LPP: variants seen among roughly 807,000 people sequenced by gnomAD.
LPP encodes the protein LIM domain containing preferred translocation partner in lipoma, also known as lipoma-preferred partner.
Under a neutral mutation model 60.4 loss-of-function variants are expected in LPP, and 38 were observed. That is an observed-to-expected ratio of 0.63 (90% CI 0.49 to 0.83). The LOEUF (loss-of-function observed/expected upper bound fraction) is 0.83. LPP is among the 40% of genes least tolerant of loss of function. The pLI, the probability that LPP is intolerant of heterozygous loss-of-function variation, is 0.00. For missense variants in LPP, 902 were observed against 783.6 expected (o/e 1.15, Z -1.80); for synonymous variants, 328 against 290.8 (o/e 1.13, Z -1.30).
chr3:188,439,854 TG>T (rs1345566683), intron 4 of LPP, among the ~76,000 whole-genome samples: 1 of 152,164 alleles, frequency 6.6e-6, no homozygotes, highest in African/African-American at 2.4e-5. Context: ...ACATAGGCTG[TG>T]GGCCTGTCCT....
chr3:188,527,638 G>T (rs907399918), intron 6 of LPP, among the ~76,000 whole-genome samples: 15 of 151,972 alleles, frequency 9.9e-5, no homozygotes, highest in Non-Finnish European at 1.9e-4. Context: ...AATTTTTTTT[G>T]ATTCCACCCA....
At chr3:188,518,941 C>T (rs925550707) in intron 5 of LPP, among the ~76,000 whole-genome samples, 1 of 151,936 alleles carries the variant, frequency 6.6e-6, no homozygotes, top group African/African-American at 2.4e-5. Context: ...TGCTCCCCTA[C>T]CTTGAAACCG....
At chr3:188,808,027 G>T (rs895727064) in intron 9 of LPP, among the ~76,000 whole-genome samples, 8 of 152,076 alleles carry the variant, frequency 5.3e-5, no homozygotes, top group Non-Finnish European at 8.8e-5. Flanking sequence ...TTAGTGTGGG[G>T]TGTTTGTGTC....
chr3:188,354,179 A>G (rs1319093238), intron 3 of LPP, among the ~76,000 whole-genome samples: 1 of 152,128 alleles, frequency 6.6e-6, no homozygotes, highest in African/African-American at 2.4e-5. Context: ...ACACACACAA[A>G]TGTCGAGCAG....
intron 4 of LPP, among the ~76,000 whole-genome samples, chr3:188,478,840 C>G (rs1215558879): frequency 2.0e-5 from 3 of 152,114 alleles, no homozygotes; most frequent in Non-Finnish European, 4.4e-5. Flanking sequence ...ACTGCAACCT[C>G]CGCCTCCCGG....
At chr3:188,536,299 G>A (rs886310515) in intron 6 of LPP, among the ~76,000 whole-genome samples, 5 of 147,008 alleles carry the variant, frequency 3.4e-5, no homozygotes, top group Non-Finnish European at 7.5e-5. Context: ...GTGAGCCACT[G>A]CACCCGGCCA....
At chr3:188,388,641 C>T (rs1458776716) in intron 3 of LPP, among the ~76,000 whole-genome samples, 3 of 152,082 alleles carry the variant, frequency 2.0e-5, no homozygotes, top group East Asian at 1.9e-4. Flanking sequence ...AATTGGTCAG[C>T]GTTAATGAAA....
intron 3 of LPP, among the ~76,000 whole-genome samples, chr3:188,392,141 G>A (rs6766023): frequency 0.034 from 5,193 of 152,242 alleles, 295 homozygotes; most frequent in African/African-American, 0.12. Flanking sequence ...GTTGGAACCA[G>A]AGTAACAATT....
rs770848271 is a variant in LPP at position 188,609,208 on chromosome 3, A to G, written c.477A>G (p.Thr159=). ...CTCCTCCAGTTTCGACCCCAGTCAC[A>G]GGACACAAGAGAATGGTCATCCCGA... ...TASPPVSTPV[T]GHKRMVIPNQ... is the part of the protein sequence containing the mutation. The change falls in exon 7 of 12, where the codon ACA becomes ACG. Residue 159 remains threonine, a synonymous_variant. Coordinates refer to ENST00000617246, the MANE Select transcript of LPP (RefSeq NM_001375462.1). This position sits in a 1 kb window ranked among gnomAD's most constrained non-coding sequence, Gnocchi z 6.9. 2 of 1,613,790 alleles carry G rather than the reference A, an allele frequency of 1.2e-6. No individual in the cohort carries two copies. The highest frequency in any genetic ancestry group is 2.2e-5 in the South Asian group (2 of 91,052).
At chr3:188,347,610 A>G (rs1764734650) in intron 3 of LPP, among the ~76,000 whole-genome samples, 1 of 152,064 alleles carries the variant, frequency 6.6e-6, no homozygotes, top group South Asian at 2.1e-4. Flanking sequence ...CCCCCATTAT[A>G]TTGAGCTTGA....
chr3:188,374,326 C>A (rs1216216419), intron 3 of LPP, among the ~76,000 whole-genome samples: 2 of 152,094 alleles, frequency 1.3e-5, no homozygotes, highest in Admixed American at 6.5e-5. Context: ...GATATTGATT[C>A]TTCCTACCCG....
At chr3:188,249,901 ATTT>A (rs372331542) in intron 2 of LPP, among the ~76,000 whole-genome samples, 44 of 87,816 alleles carry the variant, frequency 5.0e-4, no homozygotes, top group African/African-American at 1.0e-3. Flanking sequence ...ATATATATAT[ATTT>A]TTTTTTTTTC....
chr3:188,595,828 G>T (rs749141995), intron 6 of LPP, among the ~76,000 whole-genome samples: 1 of 152,046 alleles, frequency 6.6e-6, no homozygotes, highest in East Asian at 1.9e-4. Context: ...TTATATAAAC[G>T]CAATCCTATT....
chr3:188,835,508 A>G (rs1758228264), intron 9 of LPP, among the ~76,000 whole-genome samples: 1 of 151,876 alleles, frequency 6.6e-6, no homozygotes, highest in South Asian at 2.1e-4. Flanking sequence ...AATCCTAGCT[A>G]CTCGGGAGGC....
intron 6 of LPP, among the ~76,000 whole-genome samples, chr3:188,541,947 G>T (rs1825305770): frequency 6.6e-6 from 1 of 152,096 alleles, no homozygotes; most frequent in South Asian, 2.1e-4. Flanking sequence ...TAGATTTATG[G>T]TGTAGAACAT....
In LPP at chr3:188,352,362, T is replaced by C. The variant is rs1267527569; in HGVS notation, c.-10+10643T>C. Among the ~76,000 whole-genome samples the C allele has an allele frequency of 1.3e-5, 2 of 152,198 alleles. No homozygotes were observed. Among genetic ancestry groups the C allele is most frequent in the African/African-American group, 2.4e-5 (1 of 41,452 alleles). On this transcript the variant is annotated intron_variant, in intron 3 of 11. Coordinates refer to ENST00000617246, the MANE Select transcript of LPP (RefSeq NM_001375462.1). The surrounding 1 kb of genome is among the most constrained non-coding windows in gnomAD (Gnocchi z 4.4). ...TGGCAGCTTGTGAGCGGTGTTGCCA[T>C]GACACTCCTTGGGCTCTGTTTAGAT...
chr3:188,220,297 G>A (rs774313452), intron 1 of LPP, among the ~76,000 whole-genome samples: 8 of 151,960 alleles, frequency 5.3e-5, no homozygotes, highest in African/African-American at 1.5e-4. Context: ...TCATGTCACC[G>A]TGTGGTATGA....
chr3:188,291,790 C>T (rs1283383634), intron 2 of LPP, among the ~76,000 whole-genome samples: 1 of 151,958 alleles, frequency 6.6e-6, no homozygotes, highest in Admixed American at 6.6e-5. Flanking sequence ...CAGGGTTTAT[C>T]ATTATTTCCC....
chr3:188,534,269 AC>A (rs1822974072), intron 6 of LPP, among the ~76,000 whole-genome samples: 1 of 152,138 alleles, frequency 6.6e-6, no homozygotes, highest in Non-Finnish European at 1.5e-5. Flanking sequence ...TGTTTGTTTG[AC>A]CTTGATGAGT....
Sources: allele counts gnomAD v4.1 joint callset (sites outside exome capture counted in the v4.1 genomes callset), GRCh38; gene constraint gnomAD v4.1.1; non-coding constraint Gnocchi (gnomAD v3.1); transcripts MANE v1.5; gene names NCBI Gene and HGNC (gene_info 2026-07-23, HGNC 2026-07-21).